Variants in PTCHD4 observed in about 807,000 individuals in gnomAD.
PTCHD4 encodes the protein patched domain-containing protein 4.
In PTCHD4, 33 loss-of-function variants were observed where a neutral mutation model predicts 58.1. The observed-to-expected ratio is 0.57, with a 90% CI of 0.43 to 0.76. PTCHD4 has a LOEUF of 0.76. PTCHD4 is among the 30% of genes least tolerant of loss of function. PTCHD4 has a pLI of 0.00. For synonymous variants in PTCHD4, 478 were observed against 409.6 expected, an observed-to-expected ratio of 1.17 and a Z score of -2.02; for missense variants, 1,058 against 1,027.1, an observed-to-expected ratio of 1.03 and a Z score of -0.41.
At chr6:47,934,977 TAA>T (rs1374170727) in intron 4 of PTCHD4, among the ~76,000 whole-genome samples, 1 of 152,224 alleles carries the variant, frequency 6.6e-6, no homozygotes, top group Non-Finnish European at 1.5e-5. Flanking sequence ...TAAAATTAAA[TAA>T]GTCTATGTTC....
intron 1 of PTCHD4, among the ~76,000 whole-genome samples, chr6:48,108,425 G>T (rs1441270935): frequency 6.6e-6 from 1 of 151,996 alleles, no homozygotes; most frequent in Non-Finnish European, 1.5e-5. Flanking sequence ...ACACAGGAAG[G>T]GGAACATCAC....
chr6:48,016,649 G>C (rs142301601), intron 3 of PTCHD4, among the ~76,000 whole-genome samples: 61 of 151,990 alleles, frequency 4.0e-4, no homozygotes, highest in Admixed American at 3.3e-4. Flanking sequence ...AAAATCTTGG[G>C]TTCGAAAGCT....
chr6:47,924,096 C>T (rs1365590259), intron 4 of PTCHD4, among the ~76,000 whole-genome samples: 2 of 152,096 alleles, frequency 1.3e-5, no homozygotes, highest in Non-Finnish European at 1.5e-5. Flanking sequence ...TCCTTTATTC[C>T]CTGATTTATT....
Position 47,940,619 on chromosome 6 carries a change from T to A in PTCHD4, c.899-60683A>T, listed in dbSNP as rs146188019. 5.1e-3 allele frequency among the ~76,000 whole-genome samples: 771 copies of A among 152,338 alleles called. 4 individuals carry two copies. The highest frequency in any genetic ancestry group is 0.017 in the African/African-American group (697 of 41,582). On this transcript the variant is annotated intron_variant, in intron 4 of 4. Transcript: ENST00000339488. The stretch of plus-strand genomic sequence containing the variant: ...TAAAGCCTTAACTTTCACAGCCTTG[T>A]AAAAGCTTGTGAAAATAGACATTTC...
At position 47,879,034 on chromosome 6, in the gene PTCHD4, T is replaced by C; in HGVS notation, c.1801A>G (p.Ile601Val). Residue 601 changes from isoleucine to valine, a missense_variant, in exon 5 of 5, where the codon ATT becomes GTT. Coordinates refer to ENST00000339488, the MANE Select transcript of PTCHD4 (RefSeq NM_001384253.1). ...GCCACCAGATACAAGCGAGAAGCAA[T>C]GATATTGCTTTCATCCCCTGCCTTG... Reference protein sequence around the residue: ...FSKAGDESNIIASRLYLVART... With the variant: ...FSKAGDESNIVASRLYLVART... The C allele has an allele frequency of 1.2e-6, 2 of 1,613,562 alleles. No individual in the cohort carries two copies. The highest frequency in any genetic ancestry group is 1.7e-6 in the Non-Finnish European group (2 of 1,179,762).
rs1762565158 is a variant in PTCHD4, at chr6:48,008,861, T to C, written c.671A>G (p.His224Arg). ...GCTTCTGGCCAGGATGCTGGTCTTA[T>C]GAAAGTCCCTCCAGAGGCTAAAGGA... ...LASFSLWRDF[H>R]KTSILARSKV... Residue 224 changes from histidine to arginine, a missense_variant, in exon 4 of 5, where the codon CAT (histidine) becomes CGT (arginine). Coordinates refer to ENST00000339488, the MANE Select transcript of PTCHD4 (RefSeq NM_001384253.1). 6.2e-7 allele frequency: 1 copy of C among 1,614,016 alleles called. No individual in the cohort carries two copies. Among genetic ancestry groups the C allele is most frequent in the Non-Finnish European group, 8.5e-7 (1 of 1,179,904 alleles).
chr6:48,019,379 G>A (rs568529418), intron 3 of PTCHD4, among the ~76,000 whole-genome samples: 19 of 151,518 alleles, frequency 1.3e-4, no homozygotes, highest in Admixed American at 3.3e-4. Context: ...TACAGTGCCT[G>A]TCTTCAAAGG....
intron 1 of PTCHD4, among the ~76,000 whole-genome samples, chr6:48,085,483 G>A (rs1404728000): frequency 6.6e-6 from 1 of 152,124 alleles, no homozygotes; most frequent in African/African-American, 2.4e-5. Context: ...GATAACATGA[G>A]TTGATCATCA....
intron 4 of PTCHD4, among the ~76,000 whole-genome samples, chr6:47,976,890 T>C (rs1227691206): frequency 6.6e-6 from 1 of 152,052 alleles, no homozygotes; most frequent in Non-Finnish European, 1.5e-5. Flanking sequence ...TCATCAGTTA[T>C]TAAGATGAAA....
intron 4 of PTCHD4, among the ~76,000 whole-genome samples, chr6:47,990,306 T>C (rs1198093004): frequency 6.6e-6 from 1 of 152,014 alleles, no homozygotes; most frequent in Admixed American, 6.5e-5. Flanking sequence ...AGTTAAGACT[T>C]TGGGGGACTG....
chr6:47,906,971 A>G (rs1385936964), intron 4 of PTCHD4, among the ~76,000 whole-genome samples: 1 of 152,188 alleles, frequency 6.6e-6, no homozygotes, highest in East Asian at 1.9e-4. Context: ...GGAAATGTCA[A>G]CTCTGACATG....
intron 4 of PTCHD4, among the ~76,000 whole-genome samples, chr6:47,903,393 T>G (rs2114151362): frequency 6.6e-6 from 1 of 152,292 alleles, no homozygotes; most frequent in Admixed American, 6.5e-5. Context: ...CTCAGTTCAC[T>G]GTAGCCTCAA....
rs542333885 is a variant in PTCHD4 at position 48,106,259 on chromosome 6, A to C, written c.-970+4790T>G. ...ATCAAAAAGCTTATCCACCATGATC[A>C]AGTGGGCTTCATCCCTGGGATGCAA... On this transcript the variant is annotated intron_variant, in intron 1 of 4. Coordinates refer to ENST00000339488, the MANE Select transcript of PTCHD4 (RefSeq NM_001384253.1). Among the ~76,000 whole-genome samples the C allele has an allele frequency of 7.9e-5, 12 of 152,330 alleles. 1 individual carries two copies. The South Asian group carries it at 2.3e-3, about 29-fold the overall frequency.
intron 4 of PTCHD4, among the ~76,000 whole-genome samples, chr6:47,945,185 T>A (rs147037448): frequency 1.3e-3 from 200 of 152,190 alleles, no homozygotes; most frequent in African/African-American, 4.3e-3. Flanking sequence ...ACTGATAATG[T>A]TAAAACATTT....
chr6:48,067,224 C>A (rs1764829885), intron 3 of PTCHD4, among the ~76,000 whole-genome samples: 1 of 152,064 alleles, frequency 6.6e-6, no homozygotes, highest in Non-Finnish European at 1.5e-5. Flanking sequence ...TGCAGCAGCT[C>A]AATCTTGACA....
chr6:48,051,802 C>A (rs1050980368), intron 3 of PTCHD4, among the ~76,000 whole-genome samples: 1 of 151,992 alleles, frequency 6.6e-6, no homozygotes, highest in Admixed American at 6.6e-5. Context: ...ATAAGCAGCT[C>A]TGAAAGATTT....
rs142961548 is a variant in PTCHD4 at position 47,864,315 on chromosome 6, T to TATACACACAC, written c.*13987_*13988insGTGTGTGTAT. ...GCCCATTATTTTTGAGATATATATA[T>TATACACACAC]ACACACACACACACATATATATATA... On this transcript the variant is annotated 3_prime_UTR_variant, in exon 5 of 5. Coordinates refer to ENST00000339488, the MANE Select transcript of PTCHD4 (RefSeq NM_001384253.1). Among the ~76,000 whole-genome samples, 240 of 148,890 alleles carry TATACACACAC rather than the reference T, an allele frequency of 1.6e-3. No homozygotes were observed. The highest frequency in any genetic ancestry group is 0.016 in the South Asian group (73 of 4,656).
intron 4 of PTCHD4, among the ~76,000 whole-genome samples, chr6:47,949,230 A>C (rs1444196153): frequency 1.3e-5 from 2 of 152,128 alleles, no homozygotes; most frequent in Non-Finnish European, 2.9e-5. Flanking sequence ...TGGATTGATG[A>C]GTTGGAAGCA....
chr6:48,079,050 G>A (rs1459026756), intron 1 of PTCHD4, among the ~76,000 whole-genome samples: 3 of 151,046 alleles, frequency 2.0e-5, no homozygotes, highest in African/African-American at 4.9e-5. Flanking sequence ...CCCGGGAGGC[G>A]GAGCTTGCAG....
Sources: allele counts gnomAD v4.1 joint callset (sites outside exome capture counted in the v4.1 genomes callset), GRCh38; gene constraint gnomAD v4.1.1; transcripts MANE v1.5; gene names NCBI Gene and HGNC (gene_info 2026-07-23, HGNC 2026-07-21).